Variants in GMDS observed in about 807,000 individuals in gnomAD.
GMDS encodes GDP-mannose 4,6 dehydratase.
A neutral mutation model predicts 49.9 loss-of-function variants in GMDS; 20 were observed. The observed-to-expected ratio is 0.40, with a 90% confidence interval of 0.28 to 0.58. The LOEUF (loss-of-function observed/expected upper bound fraction) is 0.58, where lower values mean the gene tolerates loss of function less well. Ranked by LOEUF, GMDS falls within the 20% of genes least tolerant of loss-of-function variation. The pLI is 0.42. For synonymous variants in GMDS, 177 were observed against 178.6 expected (o/e 0.99, Z 0.07); for missense variants, 362 against 481.4 (o/e 0.75, Z 2.32).
intron 9 of GMDS, among the ~76,000 whole-genome samples, chr6:1,669,126 T>C (rs1159639084): frequency 6.6e-6 from 1 of 152,230 alleles, no homozygotes; most frequent in Non-Finnish European, 1.5e-5. Context: ...AAAAGAATTA[T>C]TATAATTTTT....
At chr6:1,672,156 C>A (rs890342134) in intron 9 of GMDS, among the ~76,000 whole-genome samples, 1 of 152,194 alleles carries the variant, frequency 6.6e-6, no homozygotes, top group East Asian at 1.9e-4. Flanking sequence ...ACATTTGGGT[C>A]TGGCTTCAGA....
chr6:1,959,405 T>G (rs754001892), intron 6 of GMDS, among the ~76,000 whole-genome samples: 4 of 152,188 alleles, frequency 2.6e-5, no homozygotes, highest in African/African-American at 9.6e-5. Flanking sequence ...TTTAGAAGCA[T>G]AGTAATTTCT....
intron 7 of GMDS, among the ~76,000 whole-genome samples, chr6:1,852,718 T>C (rs184624880): frequency 6.6e-6 from 1 of 152,178 alleles, no homozygotes; most frequent in East Asian, 1.9e-4. Flanking sequence ...CCGATTTTTT[T>C]TTTTCCCGAG....
chr6:1,951,776 C>T, intron 6 of GMDS: 1 of 450,976 alleles, frequency 2.2e-6, no homozygotes, highest in Non-Finnish European at 2.9e-6. Context: ...TATTTCATAT[C>T]ACATTTATAT....
intron 7 of GMDS, among the ~76,000 whole-genome samples, chr6:1,854,697 G>A (rs181319561): frequency 1.2e-4 from 19 of 152,280 alleles, no homozygotes; most frequent in African/African-American, 4.3e-4. Context: ...GCAGACTCGC[G>A]ATCTAGCAGC....
chr6:2,201,524 A>T (rs2127576506), intron 1 of GMDS, among the ~76,000 whole-genome samples: 1 of 123,114 alleles, frequency 8.1e-6, no homozygotes, highest in Non-Finnish European at 1.7e-5. Context: ...GGATGAAGAG[A>T]GAGCACCACA....
rs1363234497 is a variant in GMDS, at chr6:2,201,297, C to G, written c.102+44024G>C. ...AAGGATGAAGACAGAACACCACATG[C>G]GCATCCGAGATGAAACCATCTAGGC... On this transcript the variant is annotated intron_variant, in intron 1 of 10. Transcript: ENST00000380815. Among the ~76,000 whole-genome samples, 187 of 80,514 alleles carry G rather than the reference C, an allele frequency of 2.3e-3. No individual in the cohort carries two copies. The Middle Eastern group carries it at 0.032, about 14-fold the overall frequency. 52.8% of individuals were successfully genotyped at this position (80,514 alleles called of 152,430 possible).
At chr6:2,068,463 A>G (rs1171276137) in intron 4 of GMDS, among the ~76,000 whole-genome samples, 3 of 152,184 alleles carry the variant, frequency 2.0e-5, no homozygotes, top group Non-Finnish European at 4.4e-5. Context: ...TTAGGAAAAG[A>G]GGAAGTCAAA....
chr6:1,960,919 G>C lies in GMDS; in HGVS notation c.393C>G (p.Gly131=). 6.3e-7 allele frequency: 1 copy of C among 1,598,706 alleles called. No homozygotes were observed. Among genetic ancestry groups the C allele is most frequent in the African/African-American group, 1.3e-5 (1 of 74,876 alleles). Residue 131 remains glycine (G), a synonymous_variant, in exon 5 of 11, where the codon GGC becomes GGG. Coordinates refer to ENST00000380815, the MANE Select transcript of GMDS (RefSeq NM_001500.4). ...AEYTADVDGV[G]TLRLLDAVKT... ...TAACTGCATCTAGAAGTCGTAGAGTGCCAACTCCGTCAACGTCCGCAGTGT... is the reference window on the plus strand; with the variant it reads ...TAACTGCATCTAGAAGTCGTAGAGTCCCAACTCCGTCAACGTCCGCAGTGT...
At position 2,201,103 on chromosome 6, in the gene GMDS, G is replaced by A. The variant is rs577089163; in HGVS notation, c.102+44218C>T. Among the ~76,000 whole-genome samples the A allele has an allele frequency of 2.8e-5, 4 of 142,128 alleles. No homozygotes were observed. The South Asian group carries it at 9.8e-4, about 35-fold the overall frequency. 93.2% of individuals were successfully genotyped at this position (142,128 alleles called of 152,430 possible). A position where few individuals can be genotyped will look rare whatever the true frequency, so the allele number is the denominator to read the frequency against. On this transcript the variant is annotated intron_variant, in intron 1 of 10. Coordinates refer to ENST00000380815, the MANE Select transcript of GMDS (RefSeq NM_001500.4). ...GCAGTGAGGGCAGCATGTTAGCAGA[G>A]GGGTGAAAGATGAAGAGAGAGCACC... is the stretch of plus-strand genomic sequence containing the variant.
intron 6 of GMDS, among the ~76,000 whole-genome samples, chr6:1,944,173 T>C (rs1172483698): frequency 6.6e-6 from 1 of 152,162 alleles, no homozygotes; most frequent in African/African-American, 2.4e-5. Flanking sequence ...GACTCGGAAG[T>C]GTAGTGACAT....
At chr6:1,866,105 G>A (rs1281966817) in intron 7 of GMDS, among the ~76,000 whole-genome samples, 1 of 152,204 alleles carries the variant, frequency 6.6e-6, no homozygotes, top group Non-Finnish European at 1.5e-5. Flanking sequence ...CAAGCACAGG[G>A]AGGTGAAAGC....
chr6:1,877,357 C>A (rs1310341643), intron 7 of GMDS, among the ~76,000 whole-genome samples: 1 of 151,956 alleles, frequency 6.6e-6, no homozygotes, highest in Non-Finnish European at 1.5e-5. Context: ...AAGATACATC[C>A]AGCAGAGCAT....
At chr6:2,134,426 T>C (rs1775891449) in intron 1 of GMDS, among the ~76,000 whole-genome samples, 1 of 152,330 alleles carries the variant, frequency 6.6e-6, no homozygotes, top group African/African-American at 2.4e-5. Context: ...TGGAGTTCTC[T>C]AGGTGGAAAA....
chr6:1,960,994 G>A, intron 4 of GMDS, 28 bp from the exon 5 acceptor site: 1 of 1,413,670 alleles, frequency 7.1e-7, no homozygotes, highest in South Asian at 1.5e-5. Flanking sequence ...AGACAGGGCT[G>A]CATTAATAGC....
chr6:2,185,518 G>A (rs1029825371), intron 1 of GMDS, among the ~76,000 whole-genome samples: 1 of 152,138 alleles, frequency 6.6e-6, no homozygotes, highest in Non-Finnish European at 1.5e-5. Flanking sequence ...CATCTTCAAC[G>A]AGTGTCTGGA....
At chr6:2,165,020 T>C (rs1349141278) in intron 1 of GMDS, among the ~76,000 whole-genome samples, 2 of 152,226 alleles carry the variant, frequency 1.3e-5, no homozygotes, top group Non-Finnish European at 2.9e-5. Context: ...TATATCTCTA[T>C]TGCCAGATCA....
At chr6:1,776,328 G>A (rs758793062) in intron 7 of GMDS, among the ~76,000 whole-genome samples, 3 of 152,088 alleles carry the variant, frequency 2.0e-5, no homozygotes, top group Admixed American at 6.6e-5. Flanking sequence ...CTAAGGCATC[G>A]CCATTATTAC....
Position 1,959,776 on chromosome 6 carries a change from C to T in GMDS, c.643+91G>A, listed in dbSNP as rs1256109468. The T allele has an allele frequency of 9.1e-6, 5 of 551,850 alleles. No individual in the cohort carries two copies. The African/African-American group carries it at 9.7e-5, about 11-fold the overall frequency. 34.2% of individuals were successfully genotyped at this position (551,850 alleles called of 1,614,324 possible). ...AATTAGATACAGATAGGAAATTTTT[C>T]AGTCTCTGTAGTACATACACCAAAT... On this transcript the variant is annotated intron_variant, in intron 6 of 10. Transcript: ENST00000380815.
Sources: gnomAD v4.1 joint callset for allele counts (sites outside exome capture counted in the v4.1 genomes callset) on GRCh38, gnomAD v4.1.1 for gene constraint, MANE v1.5 for transcripts, NCBI Gene and HGNC (gene_info 2026-07-23, HGNC 2026-07-21) for gene names.